Variants in NAAA observed in about 807,000 individuals in gnomAD.
The protein encoded by NAAA is N-acylethanolamine-hydrolyzing acid amidase.
NAAA carries 39 observed loss-of-function variants against 44.8 expected under a neutral mutation model. The ratio of observed to expected loss-of-function variants is 0.87; its 90% CI spans 0.67 to 1.14. NAAA has a LOEUF of 1.14. NAAA is among the 50% of genes most tolerant of loss of function. NAAA has a pLI of 0.00. For missense variants in NAAA, 460 were observed against 467.8 expected (o/e 0.98, Z 0.15); for synonymous variants, 178 against 191.3 (o/e 0.93, Z 0.58).
At chr4:75,929,360 C>T (rs1199986934) in intron 4 of NAAA, among the ~76,000 whole-genome samples, 3 of 152,146 alleles carry the variant, frequency 2.0e-5, no homozygotes, top group African/African-American at 7.2e-5. Context: ...TCATTGCAGC[C>T]TGTAACTCCT....
intron 5 of NAAA, 79 bp from the exon 6 acceptor site, chr4:75,921,202 G>T: frequency 7.6e-7 from 1 of 1,312,030 alleles, no homozygotes; most frequent in Non-Finnish European, 1.0e-6. Flanking sequence ...ATGATCCAAA[G>T]CACATTCTCC....
At chr4:75,934,342 A>G (rs1270210417) in intron 3 of NAAA, among the ~76,000 whole-genome samples, 1 of 151,792 alleles carries the variant, frequency 6.6e-6, no homozygotes, top group Non-Finnish European at 1.5e-5. Flanking sequence ...GTTGAGATGG[A>G]GTCTCACTCT....
intron 10 of NAAA, 147 bp from the exon 11 acceptor site, chr4:75,914,485 CT>C (rs2149239337): frequency 4.1e-6 from 1 of 243,710 alleles, no homozygotes; most frequent in South Asian, 1.4e-4. Context: ...AGTGATTCTC[CT>C]ACCTCAGCTC....
intron 4 of NAAA, among the ~76,000 whole-genome samples, chr4:75,928,168 ACT>A (rs1726905995): frequency 6.6e-6 from 1 of 151,968 alleles, no homozygotes; most frequent in African/African-American, 2.4e-5. Context: ...CCACCATTCT[ACT>A]CTCTGCTTCT....
rs1206326268 is a variant in NAAA at position 75,920,794 on chromosome 4, G to T, written c.846C>A (p.Phe282Leu). Residue 282 changes from phenylalanine to leucine, a missense_variant, in exon 7 of 11, where the codon TTC (phenylalanine) becomes TTA (leucine). Coordinates refer to ENST00000286733, the MANE Select transcript of NAAA (RefSeq NM_014435.4). The part of the protein sequence containing the change: ...WPLDPLNGAW[F>L]RVETNYDHWK... ...AGTGGTCGTAATTTGTCTCAACTCG[G>T]AACCACCTACAACAGAGCACATCAT... 1 of 1,614,078 alleles carries T rather than the reference G, an allele frequency of 6.2e-7. No homozygotes were observed. The highest frequency in any genetic ancestry group is 2.2e-5 in the East Asian group (1 of 44,884).
chr4:75,919,175 G>A (rs1337049417), intron 8 of NAAA, among the ~76,000 whole-genome samples: 1 of 151,888 alleles, frequency 6.6e-6, no homozygotes, highest in South Asian at 2.1e-4. Flanking sequence ...CCAAGTAGTT[G>A]GGATTATAGG....
intron 4 of NAAA, among the ~76,000 whole-genome samples, chr4:75,927,958 G>A (rs1726886718): frequency 6.6e-6 from 1 of 152,150 alleles, no homozygotes; most frequent in African/African-American, 2.4e-5. Context: ...CACATCACAT[G>A]TGCTCCCAAA....
intron 2 of NAAA, among the ~76,000 whole-genome samples, chr4:75,939,527 T>G (rs1728038519): frequency 1.3e-5 from 2 of 151,084 alleles, no homozygotes; most frequent in South Asian, 2.1e-4. Flanking sequence ...GTGATTCTCC[T>G]GCCTCAACCT....
chr4:75,932,525 G>A (rs140324655), intron 3 of NAAA, among the ~76,000 whole-genome samples: 4 of 152,126 alleles, frequency 2.6e-5, no homozygotes, highest in East Asian at 3.9e-4. Context: ...GTATGTCACC[G>A]AGGCTGGAGT....
At chr4:75,939,836 T>C (rs955843298) in intron 2 of NAAA, 165 bp downstream of exon 2, 3 of 703,326 alleles carry the variant, frequency 4.3e-6, no homozygotes, top group Non-Finnish European at 7.0e-6. Context: ...GCCTACGATG[T>C]GCAGCTCAGA....
intron 9 of NAAA, chr4:75,916,430 G>A (rs1282708438): frequency 2.0e-5 from 3 of 152,120 alleles, no homozygotes; most frequent in African/African-American, 4.8e-5. Flanking sequence ...ACACTACTTG[G>A]TAAACTGTTT....
chr4:75,912,550 T>A (rs1034170559), downstream of NAAA, among the ~76,000 whole-genome samples: 1 of 132,822 alleles, frequency 7.5e-6, no homozygotes, highest in African/African-American at 2.9e-5. Context: ...GGAGACTCTG[T>A]CTGGAAAAAA....
At chr4:75,939,956 C>T (rs748112183) in intron 2 of NAAA, 45 bp downstream of exon 2, 25 of 1,604,166 alleles carry the variant, frequency 1.6e-5, no homozygotes, top group South Asian at 1.3e-4. Flanking sequence ...GTGTCGGGGG[C>T]CCCCGCAAGC....
At chr4:75,923,979 G>C (rs1726425562) in intron 5 of NAAA, among the ~76,000 whole-genome samples, 1 of 152,148 alleles carries the variant, frequency 6.6e-6, no homozygotes, top group Non-Finnish European at 1.5e-5. Context: ...GGTACACCTG[G>C]TCCAACCAAT....
chr4:75,916,065 G>T (rs142533627), intron 9 of NAAA, among the ~76,000 whole-genome samples: 1 of 152,114 alleles, frequency 6.6e-6, no homozygotes, highest in African/African-American at 2.4e-5. Context: ...TTAATTGCTC[G>T]TTTACTTTAG....
At chr4:75,937,288 G>A (rs138388976) in intron 2 of NAAA, among the ~76,000 whole-genome samples, 1,788 of 152,154 alleles carry the variant, frequency 0.012, 31 homozygotes, top group African/African-American at 0.04. Context: ...GCATGGTGGC[G>A]CACACCTGTT....
chr4:75,920,700 A>G, intron 7 of NAAA, 38 bp downstream of exon 7: 1 of 1,613,590 alleles, frequency 6.2e-7, no homozygotes, highest in Non-Finnish European at 8.5e-7. Flanking sequence ...CCTGACCATA[A>G]GAAAACACTG....
At chr4:75,935,194 T>C (rs1727601370) in intron 3 of NAAA, 1 of 152,252 alleles carries the variant, frequency 6.6e-6, no homozygotes, top group African/African-American at 2.4e-5. Flanking sequence ...ATTTCTGTAC[T>C]GTTTGAATTT....
At chr4:75,932,843 G>C (rs1016300132) in intron 3 of NAAA, among the ~76,000 whole-genome samples, 14 of 149,518 alleles carry the variant, frequency 9.4e-5, no homozygotes, top group African/African-American at 3.4e-4. Context: ...ATTTTTCAAA[G>C]AAGTACTTTG....
Sources: gnomAD v4.1 joint callset for allele counts (sites outside exome capture counted in the v4.1 genomes callset) on GRCh38, gnomAD v4.1.1 for gene constraint, MANE v1.5 for transcripts, NCBI Gene and HGNC (gene_info 2026-07-23, HGNC 2026-07-21) for gene names.